Variants in THBS2 observed in about 807,000 individuals in gnomAD.
THBS2 encodes the protein thrombospondin-2.
Under a neutral mutation model 135.2 loss-of-function variants are expected in THBS2, and 47 were observed. The ratio of observed to expected loss-of-function variants is 0.35; its 90% confidence interval spans 0.28 to 0.44. The LOEUF is 0.44. THBS2 is among the 20% of genes least tolerant of loss of function. The pLI is 1.00. For missense variants in THBS2, 1,288 were observed against 1,603.1 expected (o/e 0.80, Z 3.36); for synonymous variants, 639 against 633.8 (o/e 1.01, Z -0.12).
intron 2 of THBS2, among the ~76,000 whole-genome samples, chr6:169,249,540 G>A (rs1352383540): frequency 6.6e-6 from 1 of 152,222 alleles, no homozygotes; most frequent in African/African-American, 2.4e-5. Context: ...TTGCTTTCTT[G>A]TTGAGATCAA....
chr6:169,237,680 G>A lies in THBS2; in HGVS notation c.1245C>T (p.Cys415=). 1.9e-6 allele frequency: 3 copies of A among 1,612,972 alleles called. No individual in the cohort carries two copies. ...CCCGTGTCTGGATGGAGGGCCCCAA[G>A]CAGGTGTTGCTGGTGACGTCACAGG... ...GRSCDVTSNT[C]LGPSIQTRAC... Residue 415 remains cysteine, a synonymous_variant, in exon 8 of 22, where the codon TGC becomes TGT. Coordinates refer to ENST00000617924, the MANE Select transcript of THBS2 (RefSeq NM_003247.5).
At chr6:169,235,965 C>T (rs1780030955) in intron 9 of THBS2, among the ~76,000 whole-genome samples, 10 of 89,558 alleles carry the variant, frequency 1.1e-4, no homozygotes, top group African/African-American at 1.2e-4. Context: ...CACACTCACT[C>T]CCCCATCCAC....
chr6:169,222,201 C>T lies in THBS2; in HGVS notation c.3269G>A (p.Gly1090Glu), dbSNP rs775114190. 15 of 1,602,826 alleles carry T rather than the reference C, an allele frequency of 9.4e-6. 1 individual carries two copies. In the South Asian group the frequency reaches 1.7e-4, roughly 18 times the overall value. Residue 1090 changes from glycine to glutamate, a missense_variant, in exon 19 of 22, where the codon GGG becomes GAG. This residue lies in a region of THBS2 where 874 missense variants were observed against 1,156.1 expected (regional missense o/e 0.76). Coordinates refer to ENST00000617924, the MANE Select transcript of THBS2 (RefSeq NM_003247.5). ...NALWHTGNTP[G>E]QVRTLWHDPR... ...GGCCTGGCCAGCCAACCTCACCTGC[C>T]CCGGCGTGTTCCCCGTGTGCCACAG...
rs1433091559 is a variant in THBS2 at position 169,248,625 on chromosome 6, C to T, written c.401G>A (p.Arg134Gln). 7 of 1,614,046 alleles carry T rather than the reference C, an allele frequency of 4.3e-6. No homozygotes were observed. The highest frequency in any genetic ancestry group is 1.3e-5 in the African/African-American group (1 of 75,036). ...GACGTCCTCCAGGGAGACCACATGC[C>T]GGGTGCCGTCAATCCAGTAGGTGAG... ...LDLTYWIDGT[R>Q]HVVSLEDVGL... Residue 134 changes from arginine to glutamine, a missense_variant, in exon 3 of 22, where the codon CGG becomes CAG. Around this residue, in one of 2 missense-constraint regions of THBS2, gnomAD observed 414 missense variants for 447.0 expected, o/e 0.93. Transcript: ENST00000617924.
At chr6:169,222,961 T>C (rs994597238) in intron 18 of THBS2, among the ~76,000 whole-genome samples, 1 of 152,174 alleles carries the variant, frequency 6.6e-6, no homozygotes. Flanking sequence ...AAGGTATTTC[T>C]TTTAGATCCA....
chr6:169,253,359 C>T (rs1214695116), intron 1 of THBS2, among the ~76,000 whole-genome samples: 1 of 152,198 alleles, frequency 6.6e-6, no homozygotes, highest in African/African-American at 2.4e-5. Context: ...CAATAACAAA[C>T]TCTCATGTGG....
chr6:169,222,175 G>A (rs776552528), intron 19 of THBS2, 22 bp downstream of exon 19: 1 of 1,578,416 alleles, frequency 6.3e-7, no homozygotes, highest in Non-Finnish European at 8.6e-7. Flanking sequence ...GGAGATGTGT[G>A]GGCCTGGCCA....
At chr6:169,244,094 C>T (rs920072334) in intron 4 of THBS2, among the ~76,000 whole-genome samples, 7 of 151,312 alleles carry the variant, frequency 4.6e-5, no homozygotes, top group South Asian at 2.1e-4. Context: ...ACATATGGTC[C>T]GGTAGATATA....
intron 20 of THBS2, among the ~76,000 whole-genome samples, chr6:169,221,119 T>C (rs1321487328): frequency 1.3e-5 from 2 of 152,244 alleles, no homozygotes; most frequent in East Asian, 1.9e-4. Flanking sequence ...ATAAAGCACA[T>C]GCTAATTCTG....
At chr6:169,219,937 G>A in intron 21 of THBS2, 1 of 592,486 alleles carries the variant, frequency 1.7e-6, no homozygotes, top group Non-Finnish European at 3.1e-6. Flanking sequence ...TCTAGGCTAT[G>A]GCACAATGAG....
At chr6:169,242,607 CCTTCCCACCGCTCCCA>C (rs1780356761) in intron 4 of THBS2, among the ~76,000 whole-genome samples, 2 of 90,884 alleles carry the variant, frequency 2.2e-5, no homozygotes, top group Non-Finnish European at 2.4e-5. Flanking sequence ...CACATTCCCA[CCTTCCCACCGCTCCCA>C]CCTTCCCACC....
chr6:169,246,107 G>T, intron 4 of THBS2, 90 bp downstream of exon 4: 1 of 1,066,106 alleles, frequency 9.4e-7, no homozygotes, highest in Non-Finnish European at 1.4e-6. Flanking sequence ...AAGCATGAAT[G>T]CACACACATA....
At chr6:169,246,116 TACAC>T in intron 4 of THBS2, 77 bp downstream of exon 4, 3 of 1,148,558 alleles carry the variant, frequency 2.6e-6, no homozygotes, top group Non-Finnish European at 3.8e-6. Flanking sequence ...TGCACACACA[TACAC>T]ACACACACAT....
intron 1 of THBS2, 89 bp from the exon 2 acceptor site, chr6:169,250,895 T>C (rs1200961604): frequency 2.0e-5 from 16 of 804,070 alleles, no homozygotes; most frequent in East Asian, 1.7e-4. Flanking sequence ...CACATGACCA[T>C]TGAATAACAG....
At chr6:169,245,119 C>A (rs1045803303) in intron 4 of THBS2, among the ~76,000 whole-genome samples, 2 of 152,226 alleles carry the variant, frequency 1.3e-5, no homozygotes, top group African/African-American at 4.8e-5. Flanking sequence ...TTCGTGTGCA[C>A]ACGGCCACAC....
intron 19 of THBS2, 119 bp from the exon 20 acceptor site, chr6:169,221,646 T>G: frequency 1.3e-6 from 1 of 795,326 alleles, no homozygotes; most frequent in Non-Finnish European, 2.1e-6. Context: ...AGGCTCATGG[T>G]GCTCCATATC....
intron 9 of THBS2, 91 bp from the exon 10 acceptor site, chr6:169,234,998 A>T: frequency 7.5e-7 from 1 of 1,338,080 alleles, no homozygotes; most frequent in South Asian, 1.4e-5. Flanking sequence ...CAGGTGGGAC[A>T]TGGTGTTCCC....
In THBS2 at chr6:169,248,855, G is replaced by A. The variant is rs139930955; in HGVS notation, c.171C>T (p.Phe57=). 8.7e-6 allele frequency: 14 copies of A among 1,611,840 alleles called. No individual in the cohort carries two copies. The highest frequency in any genetic ancestry group is 4.4e-5 in the South Asian group (4 of 91,082). ...CCGGTGGGATGTAGTCAAAGCGCAC[G>A]AAGCGGTAAGCCGGCACGCCGGGGT... is the stretch of plus-strand genomic sequence containing the variant. ...GPDPGVPAYR[F]VRFDYIPPVN... is the part of the protein sequence containing the mutation. Residue 57 remains phenylalanine (F), a synonymous_variant, in exon 3 of 22, where the codon TTC becomes TTT. Coordinates refer to ENST00000617924, the MANE Select transcript of THBS2 (RefSeq NM_003247.5).
chr6:169,237,965 C>T (rs1354221861), intron 7 of THBS2, among the ~76,000 whole-genome samples, 170 bp from the exon 8 acceptor site: 3 of 152,164 alleles, frequency 2.0e-5, no homozygotes, highest in Non-Finnish European at 2.9e-5. Flanking sequence ...GCCGTGGCTC[C>T]GTGGGACCCA....
Sources: gnomAD v4.1 joint callset for allele counts (sites outside exome capture counted in the v4.1 genomes callset) on GRCh38, gnomAD v4.1.1 for gene constraint, gnomAD v4.1.1 regional missense constraint, MANE v1.5 for transcripts, NCBI Gene and HGNC (gene_info 2026-07-23, HGNC 2026-07-21) for gene names.